WWOX: variants seen among roughly 807,000 people sequenced by gnomAD.
WWOX encodes WW domain-containing oxidoreductase.
Under a neutral mutation model 46.2 loss-of-function variants are expected in WWOX, and 69 were observed. The ratio of observed to expected loss-of-function variants is 1.49; its 90% CI spans 1.23 to 1.82. The LOEUF is 1.82. WWOX is among the 40% of genes most tolerant of loss of function. The pLI is 0.00. For synonymous variants in WWOX, 359 were observed against 202.6 expected (o/e 1.77, Z -6.56); for missense variants, 919 against 542.6 (o/e 1.69, Z -6.89).
At chr16:78,929,075 C>G (rs2080963976) in intron 8 of WWOX, among the ~76,000 whole-genome samples, 1 of 152,126 alleles carries the variant, frequency 6.6e-6, no homozygotes, top group Admixed American at 6.5e-5. Context: ...TTGCACAGAA[C>G]ATCCAAGTAG....
intron 8 of WWOX, among the ~76,000 whole-genome samples, chr16:78,670,684 A>G (rs1199705126): frequency 6.6e-6 from 1 of 152,006 alleles, no homozygotes; most frequent in Admixed American, 6.6e-5. Context: ...AAAAATTTTT[A>G]TTTAAAAAAC....
intron 8 of WWOX, among the ~76,000 whole-genome samples, chr16:78,739,370 C>G (rs892633605): frequency 4.6e-5 from 7 of 152,258 alleles, no homozygotes; most frequent in Non-Finnish European, 8.8e-5. Context: ...GTTTAGCCAA[C>G]AATTTTGGAG....
At chr16:79,172,301 A>C (rs2050714995) in intron 8 of WWOX, among the ~76,000 whole-genome samples, 1 of 152,152 alleles carries the variant, frequency 6.6e-6, no homozygotes, top group Non-Finnish European at 1.5e-5. Flanking sequence ...GAATGTATTA[A>C]ATGCAGCTGC....
At chr16:78,194,037 C>A (rs2035969680) in intron 5 of WWOX, among the ~76,000 whole-genome samples, 1 of 150,386 alleles carries the variant, frequency 6.6e-6, no homozygotes, top group Middle Eastern at 3.4e-3. Context: ...ACCACCGAGC[C>A]CGGCTAATTT....
At chr16:78,983,792 C>T (rs1282234942) in intron 8 of WWOX, among the ~76,000 whole-genome samples, 1 of 151,752 alleles carries the variant, frequency 6.6e-6, no homozygotes, top group Non-Finnish European at 1.5e-5. Flanking sequence ...AGACATATCT[C>T]CTACAGCAGG....
intron 8 of WWOX, among the ~76,000 whole-genome samples, chr16:78,929,058 C>G (rs867069394): frequency 5.9e-5 from 9 of 152,226 alleles, no homozygotes; most frequent in African/African-American, 2.2e-4. Context: ...TTTTTGCCTT[C>G]AAATCATTGC....
intron 8 of WWOX, among the ~76,000 whole-genome samples, chr16:78,574,589 T>C (rs1405733338): frequency 2.0e-5 from 3 of 152,146 alleles, no homozygotes; most frequent in Admixed American, 1.3e-4. Context: ...AATGGCAAGA[T>C]TTCATCCTTT....
At chr16:78,669,506 C>A (rs72796608) in intron 8 of WWOX, among the ~76,000 whole-genome samples, 4,790 of 152,324 alleles carry the variant, frequency 0.031, 99 homozygotes, top group Non-Finnish European at 0.048. Flanking sequence ...ATGGTGCTGA[C>A]TATCCTACAA....
intron 4 of WWOX, among the ~76,000 whole-genome samples, chr16:78,131,347 G>C (rs1327995122): frequency 6.6e-6 from 1 of 152,120 alleles, no homozygotes; most frequent in Non-Finnish European, 1.5e-5. Context: ...GAGTAGCTTG[G>C]ACTACAGGCA....
At chr16:78,789,181 T>C (rs1195538039) in intron 8 of WWOX, among the ~76,000 whole-genome samples, 2 of 152,160 alleles carry the variant, frequency 1.3e-5, no homozygotes, top group Non-Finnish European at 2.9e-5. Flanking sequence ...CTGTGTTGAT[T>C]GTCATGGTGG....
chr16:78,688,338 C>T (rs954379615), intron 8 of WWOX, among the ~76,000 whole-genome samples: 7 of 149,110 alleles, frequency 4.7e-5, no homozygotes, highest in African/African-American at 1.7e-4. Flanking sequence ...TTCACGAGAT[C>T]ATTCATGATG....
rs370774508 is a variant in WWOX, at chr16:78,759,003, C to T, written c.1056+326251C>T. Among the ~76,000 whole-genome samples the T allele has an allele frequency of 2.2e-4, 33 of 150,508 alleles. No individual in the cohort carries two copies. The East Asian group carries it at 3.3e-3, about 15-fold the overall frequency. On this transcript the variant is annotated intron_variant, in intron 8 of 8. Coordinates refer to ENST00000566780, the MANE Select transcript of WWOX (RefSeq NM_016373.4). ...GGGCATATTTTAGGTGTGTTTAATT[C>T]GAAGCTCCTGATGTCTAGCAGGAAC...
intron 8 of WWOX, among the ~76,000 whole-genome samples, chr16:78,529,810 T>C (rs544496424): frequency 6.6e-6 from 1 of 152,304 alleles, no homozygotes; most frequent in East Asian, 1.9e-4. Flanking sequence ...CCTAGGATTA[T>C]AAAGGGAGCC....
intron 8 of WWOX, among the ~76,000 whole-genome samples, chr16:78,698,888 A>T (rs958010214): frequency 2.0e-5 from 3 of 152,154 alleles, no homozygotes; most frequent in Non-Finnish European, 2.9e-5. Flanking sequence ...TAATGTTCTG[A>T]CACTTTTATA....
At chr16:78,948,038 T>C (rs1309681071) in intron 8 of WWOX, among the ~76,000 whole-genome samples, 3 of 152,220 alleles carry the variant, frequency 2.0e-5, no homozygotes, top group Non-Finnish European at 4.4e-5. Context: ...CCTGAAGGGC[T>C]GGTGGAGAGG....
intron 5 of WWOX, among the ~76,000 whole-genome samples, chr16:78,317,484 C>T (rs2080378113): frequency 6.6e-6 from 1 of 152,136 alleles, no homozygotes; most frequent in African/African-American, 2.4e-5. Context: ...CAACAGTATT[C>T]AGGCTGAGAA....
chr16:78,984,337 T>C (rs1351998498), intron 8 of WWOX, among the ~76,000 whole-genome samples: 1 of 152,194 alleles, frequency 6.6e-6, no homozygotes, highest in East Asian at 1.9e-4. Flanking sequence ...AAGCACTCTC[T>C]AGGTCAAGAA....
chr16:78,818,623 C>G (rs1029736877), intron 8 of WWOX, among the ~76,000 whole-genome samples: 2 of 152,164 alleles, frequency 1.3e-5, no homozygotes, highest in Non-Finnish European at 2.9e-5. Context: ...CCTAGCTACT[C>G]AGGAGACTGA....
chr16:79,151,981 T>G (rs1389576881), intron 8 of WWOX, among the ~76,000 whole-genome samples: 3 of 152,220 alleles, frequency 2.0e-5, no homozygotes, highest in African/African-American at 7.2e-5. Flanking sequence ...CAGAAAGGTC[T>G]CTGTTACGAA....
Sources: allele counts gnomAD v4.1 joint callset (sites outside exome capture counted in the v4.1 genomes callset), GRCh38; gene constraint gnomAD v4.1.1; transcripts MANE v1.5; gene names NCBI Gene and HGNC (gene_info 2026-07-23, HGNC 2026-07-21).